TMEM98: variants seen among roughly 807,000 people sequenced by gnomAD.
TMEM98 encodes transmembrane protein 98.
Under a neutral mutation model 25.0 loss-of-function variants are expected in TMEM98, and 18 were observed. That is an observed-to-expected ratio of 0.72 (90% confidence interval 0.50 to 1.07). The LOEUF (loss-of-function observed/expected upper bound fraction) is 1.07. Ranked by LOEUF, TMEM98 falls within the 50% of genes least tolerant of loss-of-function variation. The pLI, the probability that TMEM98 is intolerant of heterozygous loss-of-function variation, is 0.00. For missense variants in TMEM98, 241 were observed against 289.0 expected (o/e 0.83, Z 1.20); for synonymous variants, 103 against 112.4 (o/e 0.92, Z 0.53).
At chr17:32,928,856 C>G (rs1435303051) in intron 1 of TMEM98, among the ~76,000 whole-genome samples, 3 of 146,466 alleles carry the variant, frequency 2.0e-5, no homozygotes, top group Non-Finnish European at 4.5e-5. Flanking sequence ...GAAGCACACT[C>G]AGAAACATTC....
intron 5 of TMEM98, among the ~76,000 whole-genome samples, chr17:32,936,082 G>T (rs2091494434): frequency 6.6e-6 from 1 of 152,148 alleles, no homozygotes; most frequent in Admixed American, 6.5e-5. Flanking sequence ...GATTATTTCA[G>T]CTTAGGCTTC....
rs1317800551 is a variant in TMEM98 at position 32,941,149 on chromosome 17, T to C, written c.*156T>C. 1.4e-5 allele frequency: 9 copies of C among 660,904 alleles called. No individual in the cohort carries two copies. Among genetic ancestry groups the C allele is most frequent in the Non-Finnish European group, 2.0e-5 (8 of 400,540 alleles). 40.9% of individuals were successfully genotyped at this position (660,904 alleles called of 1,614,324 possible). On this transcript the variant is annotated 3_prime_UTR_variant, in exon 8 of 8. Transcript: ENST00000579849. ...AAAGCAGGAGATCCCCGTCAGTTTA[T>C]GCCTCTTTTGCAGTTGCAAACTGTG...
chr17:32,934,350 GA>G (rs1167281698), intron 5 of TMEM98, 26 bp downstream of exon 5: 3 of 1,613,794 alleles, frequency 1.9e-6, no homozygotes, highest in Non-Finnish European at 2.5e-6. Flanking sequence ...TTCTCTGTGG[GA>G]TAAAGGGTAG....
At chr17:32,933,088 T>C in intron 3 of TMEM98, 86 bp from the exon 4 acceptor site, 1 of 1,550,910 alleles carries the variant, frequency 6.4e-7, no homozygotes, top group Non-Finnish European at 8.7e-7. Flanking sequence ...CCTTACTTCT[T>C]TTATGGTGTA....
At chr17:32,935,077 A>C (rs1351989781) in intron 5 of TMEM98, among the ~76,000 whole-genome samples, 1 of 152,172 alleles carries the variant, frequency 6.6e-6, no homozygotes, top group Non-Finnish European at 1.5e-5. Context: ...TAATTATTCA[A>C]GATTTCAAAA....
chr17:32,934,400 A>C, intron 5 of TMEM98, 76 bp downstream of exon 5: 1 of 1,561,454 alleles, frequency 6.4e-7, no homozygotes, highest in East Asian at 2.2e-5. Flanking sequence ...GTAGAACGGG[A>C]CCTTAGAAAG....
In TMEM98 at chr17:32,943,303, G is replaced by A. The variant is rs2091539973; in HGVS notation, c.*2310G>A. On this transcript the variant is annotated 3_prime_UTR_variant, in exon 8 of 8. Coordinates refer to ENST00000579849, the MANE Select transcript of TMEM98 (RefSeq NM_015544.3). ...ATGGTTGAAGTGGAAGCAGTCTTTG[G>A]GGTAGGAGGCAATGCCACTCCTCTA... 1.3e-5 allele frequency: 2 copies of A among 152,276 alleles called. No individual in the cohort carries two copies. The highest frequency in any genetic ancestry group is 4.1e-4 in the South Asian group (2 of 4,828). 9.4% of individuals were successfully genotyped at this position (152,276 alleles called of 1,614,324 possible). A position where few individuals can be genotyped will look rare whatever the true frequency, so the allele number is the denominator to read the frequency against.
intron 5 of TMEM98, among the ~76,000 whole-genome samples, chr17:32,934,978 A>G (rs1433366337): frequency 1.3e-5 from 2 of 152,068 alleles, no homozygotes; most frequent in Admixed American, 6.5e-5. Context: ...AATAATAACT[A>G]TACTGAAATA....
intron 6 of TMEM98, among the ~76,000 whole-genome samples, chr17:32,937,705 C>T (rs763621438): frequency 2.0e-5 from 3 of 152,180 alleles, no homozygotes; most frequent in Non-Finnish European, 4.4e-5. Flanking sequence ...ATTCTCCTGC[C>T]TCAGCCCCCT....
At chr17:32,938,566 AAATT>A (rs1404299098) in intron 6 of TMEM98, among the ~76,000 whole-genome samples, 3 of 152,250 alleles carry the variant, frequency 2.0e-5, no homozygotes, top group African/African-American at 7.2e-5. Flanking sequence ...TGATTTAAAA[AAATT>A]AACCACAGGG....
Position 32,940,964 on chromosome 17 carries a change from G to T in TMEM98, c.652G>T (p.Gly218Cys). Reference protein sequence around the residue: ...EPDKGLPGPEGFLQEQSAI With the variant: ...EPDKGLPGPECFLQEQSAI ...AGATAAAGGCCTCCCAGGCCCTGAA[G>T]GCTTCCTGCAGGAGCAGTCTGCAAT... The change falls in exon 8 of 8, where the codon GGC becomes TGC. Residue 218 changes from glycine (G) to cysteine (C), a missense_variant. Physicochemically the swap from Gly to Cys is radical, Grantham distance 159. Coordinates refer to ENST00000579849, the MANE Select transcript of TMEM98 (RefSeq NM_015544.3). 6.2e-7 allele frequency: 1 copy of T among 1,612,384 alleles called. No homozygotes were observed. Among genetic ancestry groups the T allele is most frequent in the Middle Eastern group, 1.9e-4 (1 of 5,344 alleles).
At chr17:32,940,697 A>G in intron 7 of TMEM98, 89 bp from the exon 8 acceptor site, 1 of 1,251,332 alleles carries the variant, frequency 8.0e-7, no homozygotes, top group Non-Finnish European at 1.1e-6. Flanking sequence ...AGTTTGGGGA[A>G]TACTAGTCAA....
intron 6 of TMEM98, among the ~76,000 whole-genome samples, chr17:32,939,217 G>A (rs1336868791): frequency 2.6e-5 from 4 of 152,084 alleles, no homozygotes; most frequent in African/African-American, 9.7e-5. Context: ...GGCTAGCCTG[G>A]CCAACATGGT....
At chr17:32,932,512 T>A (rs1333918292) in intron 3 of TMEM98, among the ~76,000 whole-genome samples, 4 of 152,244 alleles carry the variant, frequency 2.6e-5, no homozygotes. Flanking sequence ...GATTAACCCT[T>A]AGTTTTTCTT....
intron 4 of TMEM98, among the ~76,000 whole-genome samples, chr17:32,933,718 C>T (rs1191802232): frequency 6.6e-6 from 1 of 152,212 alleles, no homozygotes; most frequent in Non-Finnish European, 1.5e-5. Context: ...GCCATCCATT[C>T]CCTGGTCCCA....
chr17:32,939,838 C>T (rs2091519180), intron 7 of TMEM98, among the ~76,000 whole-genome samples: 1 of 152,166 alleles, frequency 6.6e-6, no homozygotes, highest in African/African-American at 2.4e-5. Flanking sequence ...CCCCTTTCCC[C>T]CTCTGATTTT....
chr17:32,940,339 C>G (rs1003061202), intron 7 of TMEM98, among the ~76,000 whole-genome samples: 4 of 151,980 alleles, frequency 2.6e-5, no homozygotes, highest in African/African-American at 9.7e-5. Flanking sequence ...CTGGGCCTTA[C>G]CAATTTGTAA....
At chr17:32,930,024 G>C (rs2091458372) in intron 1 of TMEM98, among the ~76,000 whole-genome samples, 1 of 152,058 alleles carries the variant, frequency 6.6e-6, no homozygotes. Flanking sequence ...TAAATACTTA[G>C]TGAATGGTGA....
chr17:32,938,316 C>T (rs2091508757), intron 6 of TMEM98, among the ~76,000 whole-genome samples: 1 of 152,190 alleles, frequency 6.6e-6, no homozygotes, highest in Non-Finnish European at 1.5e-5. Context: ...GAGGTGGCTT[C>T]AGCTCCAGGG....
Sources: gnomAD v4.1 joint callset for allele counts (sites outside exome capture counted in the v4.1 genomes callset) on GRCh38, gnomAD v4.1.1 for gene constraint, MANE v1.5 for transcripts, NCBI Gene and HGNC (gene_info 2026-07-23, HGNC 2026-07-21) for gene names.